The following ADAMTS19 variants were observed in gnomAD, a reference collection of about 807,000 sequenced individuals.
The protein encoded by ADAMTS19 is ADAM metallopeptidase with thrombospondin type 1 motif 19, also known as A disintegrin and metalloproteinase with thrombospondin motifs 19.
Under a neutral mutation model 153.3 loss-of-function variants are expected in ADAMTS19, and 93 were observed. The ratio of observed to expected loss-of-function variants is 0.61; its 90% CI spans 0.51 to 0.72. The LOEUF is 0.72. Among genes scored for constraint, ADAMTS19 ranks in the 30% least tolerant of loss-of-function variants. ADAMTS19 has a pLI of 0.00. For synonymous variants in ADAMTS19, 600 were observed against 556.6 expected (o/e 1.08, Z -1.10); for missense variants, 1,482 against 1,552.1 (o/e 0.95, Z 0.76).
chr5:129,641,813 A>T (rs749001429), intron 10 of ADAMTS19, 46 bp from the exon 11 acceptor site: 1 of 1,305,544 alleles, frequency 7.7e-7, no homozygotes, highest in South Asian at 1.4e-5. Context: ...TCACTTAAAA[A>T]AATGTGATAC....
chr5:129,509,140 A>G lies in ADAMTS19; in HGVS notation c.811A>G (p.Ile271Val), dbSNP rs375681985. ...TGAGCCACTCAATGATACAATGGCC[A>G]TAACAGGTCACCCACACCGTGTATA... The part of the protein sequence containing the change: ...FIEPLNDTMA[I>V]TGHPHRVYRQ... The change falls in exon 3 of 23, where the codon ATA (isoleucine) becomes GTA (valine). Residue 271 changes from isoleucine to valine, a missense_variant. Physicochemically the swap from Ile to Val is conservative, Grantham distance 29. This residue lies in a region of ADAMTS19 where 866 missense variants were observed against 827.7 expected (regional missense o/e 1.05). Transcript: ENST00000274487. The G allele has an allele frequency of 2.8e-5, 45 of 1,612,120 alleles. No individual in the cohort carries two copies. In the Admixed American group the frequency reaches 6.5e-4, roughly 23 times the overall value.
chr5:129,509,077 A>T lies in ADAMTS19; in HGVS notation c.748A>T (p.Met250Leu). The T allele has an allele frequency of 6.3e-7, 1 of 1,586,284 alleles. No homozygotes were observed. The highest frequency in any genetic ancestry group is 8.6e-7 in the Non-Finnish European group (1 of 1,167,170). ...ASFSTCGGGL[M>L]GFIQLNEDFI... The stretch of plus-strand genomic sequence containing the variant: ...TATCTTTTTGTGTTATATATTCCAG[A>T]TGGGATTTATACAGCTCAATGAGGA... The change falls in exon 3 of 23, where the codon ATG (methionine) becomes TTG (leucine). Residue 250 changes from methionine to leucine, a missense_variant and splice_region_variant. Around this residue, in one of 2 missense-constraint regions of ADAMTS19, gnomAD observed 866 missense variants for 827.7 expected, o/e 1.05. Transcript: ENST00000274487.
In ADAMTS19 at chr5:129,551,845, T is replaced by A; in HGVS notation, c.1329-19T>A. 1 of 1,517,212 alleles carries A rather than the reference T, an allele frequency of 6.6e-7. No homozygotes were observed. The highest frequency in any genetic ancestry group is 9.0e-7 in the Non-Finnish European group (1 of 1,114,976). 94.0% of individuals were successfully genotyped at this position (1,517,212 alleles called of 1,614,324 possible). On this transcript the variant is annotated intron_variant, in intron 6 of 22. Transcript: ENST00000274487. ...CAAAATAATTTATCTTTATTTCAGTTTTCTATTTTTCTTTCTAGGAAAGAT... is the reference window on the plus strand; with the variant it reads ...CAAAATAATTTATCTTTATTTCAGTATTCTATTTTTCTTTCTAGGAAAGAT...
At chr5:129,471,211 T>C (rs1183147187) in intron 2 of ADAMTS19, among the ~76,000 whole-genome samples, 3 of 151,682 alleles carry the variant, frequency 2.0e-5, no homozygotes, top group Non-Finnish European at 2.9e-5. Context: ...GAATCTAAGA[T>C]AAAAATAAGC....
chr5:129,688,778 T>C (rs1581228991), intron 18 of ADAMTS19, among the ~76,000 whole-genome samples: 1 of 152,324 alleles, frequency 6.6e-6, no homozygotes, highest in Non-Finnish European at 1.5e-5. Flanking sequence ...CATCAGTCAT[T>C]AAAACTAGTT....
chr5:129,623,717 C>T (rs1751889896), intron 10 of ADAMTS19, among the ~76,000 whole-genome samples: 2 of 152,114 alleles, frequency 1.3e-5, no homozygotes, highest in African/African-American at 2.4e-5. Flanking sequence ...GTTTCTCCAG[C>T]ATCTAGCCTA....
intron 17 of ADAMTS19, among the ~76,000 whole-genome samples, chr5:129,683,376 G>A (rs1031267348): frequency 9.2e-5 from 14 of 151,454 alleles, no homozygotes; most frequent in South Asian, 4.2e-4. Context: ...ATATTCAGTC[G>A]TTTTCATGTA....
At chr5:129,498,203 TTACTGTAGTAGCC>T (rs760174279) in intron 2 of ADAMTS19, among the ~76,000 whole-genome samples, 12 of 152,092 alleles carry the variant, frequency 7.9e-5, no homozygotes, top group Non-Finnish European at 1.5e-4. Context: ...ATTGCTTTAA[TTACTGTAGTAGCC>T]TCCCAACAAG....
chr5:129,681,722 C>T lies in ADAMTS19; in HGVS notation c.2664+1801C>T, dbSNP rs137928357. On this transcript the variant is annotated intron_variant, in intron 17 of 22. Coordinates refer to ENST00000274487, the MANE Select transcript of ADAMTS19 (RefSeq NM_133638.6). ...ATCCAAGTTCTTTATACCAAACTGC[C>T]TTAAATCAAAAATGTAAGTATACTT... 8.5e-5 allele frequency among the ~76,000 whole-genome samples: 13 copies of T among 152,208 alleles called. No homozygotes were observed. The East Asian group carries it at 2.5e-3, about 29-fold the overall frequency.
intron 6 of ADAMTS19, among the ~76,000 whole-genome samples, chr5:129,540,216 T>C (rs1050890907): frequency 6.6e-6 from 1 of 152,050 alleles, no homozygotes; most frequent in Admixed American, 6.6e-5. Flanking sequence ...CATACATTAA[T>C]AGGAAGAAAT....
At chr5:129,464,202 A>G (rs2126637780) in intron 2 of ADAMTS19, among the ~76,000 whole-genome samples, 1 of 152,376 alleles carries the variant, frequency 6.6e-6, no homozygotes, top group African/African-American at 2.4e-5. Flanking sequence ...AAATGATCTT[A>G]AAATGTCTAG....
At chr5:129,492,541 A>ATATG (rs761875850) in intron 2 of ADAMTS19, among the ~76,000 whole-genome samples, 1 of 132,638 alleles carries the variant, frequency 7.5e-6, no homozygotes. Flanking sequence ...GTATGTGTAT[A>ATATG]TATGTATGTA....
chr5:129,648,876 T>A lies in ADAMTS19; in HGVS notation c.2082T>A (p.Gly694=), dbSNP rs1290620580. ...GTGAGAATCCACCTTGTCCTGCAGGTTTGCCTGGATTCAGAGACTGGCAAT... is the reference window on the plus strand; with the variant it reads ...GTGAGAATCCACCTTGTCCTGCAGGATTGCCTGGATTCAGAGACTGGCAAT... The part of the protein sequence containing the change: ...RICENPPCPA[G]LPGFRDWQCQ... The change falls in exon 13 of 23, where the codon GGT becomes GGA. Residue 694 remains glycine, a synonymous_variant. Transcript: ENST00000274487. The A allele has an allele frequency of 6.2e-7, 1 of 1,613,756 alleles. No homozygotes were observed. Among genetic ancestry groups the A allele is most frequent in the African/African-American group, 1.3e-5 (1 of 74,890 alleles).
intron 11 of ADAMTS19, among the ~76,000 whole-genome samples, chr5:129,645,004 G>C (rs1359181164): frequency 1.3e-5 from 2 of 152,056 alleles, no homozygotes; most frequent in Non-Finnish European, 2.9e-5. Context: ...TACAAGATTT[G>C]ATCAGAGACT....
chr5:129,705,176 G>T (rs1271599262), intron 21 of ADAMTS19, among the ~76,000 whole-genome samples: 1 of 151,774 alleles, frequency 6.6e-6, no homozygotes, highest in South Asian at 2.1e-4. Context: ...AAAATTATAG[G>T]GCTTAGTTCC....
At chr5:129,469,994 G>A (rs560443349) in intron 2 of ADAMTS19, among the ~76,000 whole-genome samples, 1 of 152,288 alleles carries the variant, frequency 6.6e-6, no homozygotes, top group Non-Finnish European at 1.5e-5. Context: ...AAACAGAATT[G>A]TGATGCTGAT....
chr5:129,608,082 T>A (rs1337684962), intron 8 of ADAMTS19, among the ~76,000 whole-genome samples: 4 of 49,964 alleles, frequency 8.0e-5, no homozygotes, highest in Non-Finnish European at 1.9e-4. Context: ...AATTGGAATT[T>A]TATATATATG....
intron 21 of ADAMTS19, among the ~76,000 whole-genome samples, chr5:129,730,938 G>C (rs3979176): frequency 0.014 from 1,761 of 125,352 alleles, 38 homozygotes; most frequent in African/African-American, 0.054. Flanking sequence ...TTTTTGTTTT[G>C]TTTTGTTTTG....
chr5:129,729,641 C>T (rs1484863548), intron 21 of ADAMTS19, among the ~76,000 whole-genome samples: 4 of 151,830 alleles, frequency 2.6e-5, no homozygotes, highest in Non-Finnish European at 5.9e-5. Flanking sequence ...CCAGGTTATG[C>T]CCAAATAGTT....
Sources: allele counts gnomAD v4.1 joint callset (sites outside exome capture counted in the v4.1 genomes callset), GRCh38; gene constraint gnomAD v4.1.1; regional missense constraint gnomAD v4.1.1; transcripts MANE v1.5; gene names NCBI Gene and HGNC (gene_info 2026-07-23, HGNC 2026-07-21).